PCDHGA2: variants seen among roughly 807,000 people sequenced by gnomAD.
PCDHGA2 encodes protocadherin gamma subfamily A, 2, also known as protocadherin gamma-A2.
PCDHGA2 carries 40 observed loss-of-function variants against 59.2 expected under a neutral mutation model. That is an observed-to-expected ratio of 0.68 (90% CI 0.52 to 0.88). The LOEUF (loss-of-function observed/expected upper bound fraction) is 0.88. PCDHGA2 is among the 40% of genes least tolerant of loss of function. The probability of loss-of-function intolerance (pLI) is 0.00; values close to 1 mark genes in which losing one functional copy is unlikely to be tolerated. For missense variants in PCDHGA2, 1,226 were observed against 1,204.0 expected (o/e 1.02, Z -0.27); for synonymous variants, 560 against 526.0 (o/e 1.06, Z -0.89).
Position 141,351,673 on chromosome 5 carries a change from C to T in PCDHGA2, c.2424+10278C>T, listed in dbSNP as rs746872217. On this transcript the variant is annotated intron_variant, in intron 1 of 3. Transcript: ENST00000394576. ...CTGGCGCCTCCATTGCACAAGTAAG[C>T]GCCTCCGACCCGGATTTGGGACCCA... The T allele has an allele frequency of 6.8e-6, 11 of 1,613,884 alleles. No homozygotes were observed. In the East Asian group the frequency reaches 8.9e-5, roughly 13 times the overall value.
At chr5:141,504,452 T>C (rs1208972630) in intron 2 of PCDHGA2, among the ~76,000 whole-genome samples, 1 of 152,060 alleles carries the variant, frequency 6.6e-6, no homozygotes, top group Non-Finnish European at 1.5e-5. Flanking sequence ...TAGTGCCATG[T>C]GGGGCAGCCG....
chr5:141,453,288 A>G (rs931678565), intron 1 of PCDHGA2, among the ~76,000 whole-genome samples: 1 of 151,342 alleles, frequency 6.6e-6, no homozygotes, highest in Non-Finnish European at 1.5e-5. Context: ...TAATTTTTTA[A>G]TTATTTATTT....
intron 1 of PCDHGA2, among the ~76,000 whole-genome samples, chr5:141,481,994 A>AG (rs2099550091): frequency 1.3e-5 from 2 of 151,258 alleles, no homozygotes; most frequent in African/African-American, 4.9e-5. Context: ...TTGAAGCAGG[A>AG]GAATCGCTTT....
In PCDHGA2 at chr5:141,485,099, G is replaced by T; in HGVS notation, c.2425-9708G>T. The T allele has an allele frequency of 8.7e-7, 1 of 1,145,218 alleles. No individual in the cohort carries two copies. Among genetic ancestry groups the T allele is most frequent in the Non-Finnish European group, 1.3e-6 (1 of 775,682 alleles). 70.9% of individuals were successfully genotyped at this position (1,145,218 alleles called of 1,614,324 possible). A position where few individuals can be genotyped will look rare whatever the true frequency, so the allele number is the denominator to read the frequency against. ...GGGGAAAGGGAGATAGGTGTCTCCA[G>T]CTGCTGTGGCTGTTTGGGGCGGGTC... On this transcript the variant is annotated intron_variant, in intron 1 of 3. Transcript: ENST00000394576. The surrounding 1 kb of genome is among the most constrained non-coding windows in gnomAD (Gnocchi z 5.7).
Position 141,432,110 on chromosome 5 carries a change from G to A in PCDHGA2, c.2425-62697G>A. On this transcript the variant is annotated intron_variant, in intron 1 of 3. Coordinates refer to ENST00000394576, the MANE Select transcript of PCDHGA2 (RefSeq NM_018915.4). This position sits in a 1 kb window ranked among gnomAD's most constrained non-coding sequence, Gnocchi z 6.0. ...GGCAGACACCAACGACAACCCGCCG[G>A]TCTTCCCTCAGGCCTCCTATTCCGC... 6.2e-7 allele frequency: 1 copy of A among 1,614,108 alleles called. No individual in the cohort carries two copies. Among genetic ancestry groups the A allele is most frequent in the Non-Finnish European group, 8.5e-7 (1 of 1,180,036 alleles).
chr5:141,415,404 C>T, intron 1 of PCDHGA2: 1 of 1,614,238 alleles, frequency 6.2e-7, no homozygotes, highest in Non-Finnish European at 8.5e-7. Context: ...CCGGCTCGCA[C>T]TTTGTGGGCG....
At chr5:141,392,584 C>T (rs1252723609) in intron 1 of PCDHGA2, 1 of 473,072 alleles carries the variant, frequency 2.1e-6, no homozygotes, top group African/African-American at 2.0e-5. Context: ...CTGTAAGCGC[C>T]GCTGTTCACC....
chr5:141,473,598 T>C (rs959841516), intron 1 of PCDHGA2, among the ~76,000 whole-genome samples: 8 of 152,066 alleles, frequency 5.3e-5, no homozygotes, highest in African/African-American at 1.9e-4. Flanking sequence ...CCTGTAGAAA[T>C]TAGCAAAGCA....
Position 141,431,363 on chromosome 5 carries a change from C to A in PCDHGA2, c.2425-63444C>A. ...ATTGGTGCTGAAACGCGCCCTGGAC[C>A]GCGAAGAAAAGGCTGCTCACCACCT... On this transcript the variant is annotated intron_variant, in intron 1 of 3. Transcript: ENST00000394576. The surrounding 1 kb of genome is among the most constrained non-coding windows in gnomAD (Gnocchi z 4.8). 1 of 1,614,024 alleles carries A rather than the reference C, an allele frequency of 6.2e-7. No homozygotes were observed. Among genetic ancestry groups the A allele is most frequent in the Non-Finnish European group, 8.5e-7 (1 of 1,180,028 alleles).
chr5:141,485,275 G>T lies in PCDHGA2; in HGVS notation c.2425-9532G>T, dbSNP rs77402299. ...ACGTTTGTGGGCAGATCCGCTACCC[G>T]GTCCCAGAGGAGTCACAGGAAGGGA... is the stretch of plus-strand genomic sequence containing the variant. On this transcript the variant is annotated intron_variant, in intron 1 of 3. Coordinates refer to ENST00000394576, the MANE Select transcript of PCDHGA2 (RefSeq NM_018915.4). The surrounding 1 kb of genome is among the most constrained non-coding windows in gnomAD (Gnocchi z 5.7). 1.1e-5 allele frequency: 18 copies of T among 1,614,072 alleles called. No individual in the cohort carries two copies. The South Asian group carries it at 1.4e-4, about 13-fold the overall frequency.
Position 141,486,335 on chromosome 5 carries a change from C to T in PCDHGA2, c.2425-8472C>T, listed in dbSNP as rs762408704. ...AGGGTCAAACGGAGATGTGAGCCTC[C>T]GCATTCCTGACCACTTGCCATTTGC... On this transcript the variant is annotated intron_variant, in intron 1 of 3. Transcript: ENST00000394576. The surrounding 1 kb of genome is among the most constrained non-coding windows in gnomAD (Gnocchi z 5.0). 6.2e-6 allele frequency: 10 copies of T among 1,613,936 alleles called. No individual in the cohort carries two copies. Among genetic ancestry groups the T allele is most frequent in the Middle Eastern group, 1.6e-4 (1 of 6,082 alleles).
At chr5:141,357,329 T>C (rs376468685) in intron 1 of PCDHGA2, 1 of 1,614,000 alleles carries the variant, frequency 6.2e-7, no homozygotes, top group Admixed American at 1.7e-5. Context: ...TTTGTCACGG[T>C]GCTGCTAGCA....
chr5:141,392,955 A>G, intron 1 of PCDHGA2: 1 of 1,613,920 alleles, frequency 6.2e-7, no homozygotes, highest in Non-Finnish European at 8.5e-7. Flanking sequence ...CGTGGGTAAT[A>G]TCTCCAAGGA....
At chr5:141,448,748 G>A (rs1476665217) in intron 1 of PCDHGA2, among the ~76,000 whole-genome samples, 1 of 151,980 alleles carries the variant, frequency 6.6e-6, no homozygotes, top group Admixed American at 6.6e-5. Context: ...AGACCATCCT[G>A]GCTAACACGG....
intron 1 of PCDHGA2, among the ~76,000 whole-genome samples, chr5:141,444,726 G>C (rs1296177763): frequency 6.6e-6 from 1 of 152,048 alleles, no homozygotes; most frequent in African/African-American, 2.4e-5. Flanking sequence ...TGGTGCCTTT[G>C]TTGAAAGTCA....
intron 1 of PCDHGA2, among the ~76,000 whole-genome samples, chr5:141,373,008 C>T (rs1031800528): frequency 6.6e-6 from 1 of 152,074 alleles, no homozygotes; most frequent in Non-Finnish European, 1.5e-5. Flanking sequence ...CATAGAAAGC[C>T]TCCTTTTGAT....
intron 3 of PCDHGA2, among the ~76,000 whole-genome samples, chr5:141,509,336 GC>G (rs2099876304): frequency 6.6e-6 from 1 of 152,178 alleles, no homozygotes; most frequent in Non-Finnish European, 1.5e-5. Context: ...TGCCAGCTGG[GC>G]CTGGGCTGGC....
chr5:141,444,013 C>T (rs1226458485), intron 1 of PCDHGA2, among the ~76,000 whole-genome samples: 2 of 152,060 alleles, frequency 1.3e-5, no homozygotes, highest in Admixed American at 6.6e-5. Flanking sequence ...TGGGTATTGG[C>T]TTCTAAAAGG....
chr5:141,477,431 G>T lies in PCDHGA2; in HGVS notation c.2425-17376G>T. 3 of 1,614,080 alleles carry T rather than the reference G, an allele frequency of 1.9e-6. No homozygotes were observed. The highest frequency in any genetic ancestry group is 2.5e-6 in the Non-Finnish European group (3 of 1,180,012). On this transcript the variant is annotated intron_variant, in intron 1 of 3. Transcript: ENST00000394576. This position sits in a 1 kb window ranked among gnomAD's most constrained non-coding sequence, Gnocchi z 4.9. ...AGACGCCGGAACCCCTTCCCTCTCA[G>T]CCCTTACAATAGTGCGTGTTCAAGT...
Sources: gnomAD v4.1 joint callset for allele counts (sites outside exome capture counted in the v4.1 genomes callset) on GRCh38, gnomAD v4.1.1 for gene constraint, Gnocchi (gnomAD v3.1) non-coding constraint, MANE v1.5 for transcripts, NCBI Gene and HGNC (gene_info 2026-07-23, HGNC 2026-07-21) for gene names.